The following PRKG2 variants were observed in gnomAD, a reference collection of about 807,000 sequenced individuals.
PRKG2 encodes protein kinase cGMP-dependent 2.
A neutral mutation model predicts 97.2 loss-of-function variants in PRKG2; 33 were observed. That is an observed-to-expected ratio of 0.34 (90% confidence interval 0.26 to 0.45). The LOEUF is 0.45. Among genes scored for constraint, PRKG2 ranks in the 20% least tolerant of loss-of-function variants. The pLI is 1.00. For synonymous variants in PRKG2, 330 were observed against 321.8 expected (o/e 1.03, Z -0.27); for missense variants, 638 against 900.0 (o/e 0.71, Z 3.73).
In PRKG2 at chr4:81,169,728, T is replaced by C. The variant is rs749717196; in HGVS notation, c.783A>G (p.Val261=). Residue 261 remains valine (V), a synonymous_variant, in exon 5 of 19, where the codon GTA becomes GTG. Coordinates refer to ENST00000264399, the MANE Select transcript of PRKG2 (RefSeq NM_006259.3). Reference sequence around the variant, plus strand: ...CTGTCCTCCTCATTATATTCTGGAATACCTCTCGATCTAGTGCCCATGTTT... The same window carrying C: ...CTGTCCTCCTCATTATATTCTGGAACACCTCTCGATCTAGTGCCCATGTTT... ...NVKTWALDRE[V]FQNIMRRTAQ... The C allele has an allele frequency of 3.1e-6, 5 of 1,609,844 alleles. No individual in the cohort carries two copies. The highest frequency in any genetic ancestry group is 4.2e-6 in the Non-Finnish European group (5 of 1,177,896).
At chr4:81,108,232 T>C (rs1026007709) in intron 15 of PRKG2, among the ~76,000 whole-genome samples, 3 of 151,986 alleles carry the variant, frequency 2.0e-5, no homozygotes, top group African/African-American at 7.2e-5. Context: ...AAAAACACTT[T>C]CATATTTATT....
chr4:81,136,890 C>CGTCT (rs1469557108), intron 13 of PRKG2, among the ~76,000 whole-genome samples: 1 of 152,176 alleles, frequency 6.6e-6, no homozygotes, highest in Non-Finnish European at 1.5e-5. Context: ...CTGTCTAGAG[C>CGTCT]GTCTCCTCCT....
At chr4:81,105,605 T>C (rs917113930) in intron 16 of PRKG2, among the ~76,000 whole-genome samples, 15 of 152,180 alleles carry the variant, frequency 9.9e-5, no homozygotes, top group Non-Finnish European at 1.3e-4. Context: ...TTTAAACTAC[T>C]TCATAAGTAG....
intron 2 of PRKG2, among the ~76,000 whole-genome samples, chr4:81,179,852 C>G (rs1188421343): frequency 6.6e-6 from 1 of 152,030 alleles, no homozygotes; most frequent in Non-Finnish European, 1.5e-5. Context: ...AGAAAGCTAA[C>G]AAGGATAGGC....
At chr4:81,189,626 G>C (rs1752290239) in intron 2 of PRKG2, among the ~76,000 whole-genome samples, 1 of 149,910 alleles carries the variant, frequency 6.7e-6, no homozygotes, top group Admixed American at 6.6e-5. Flanking sequence ...TAGAGGGAGT[G>C]GGGAGGGATA....
At chr4:81,144,415 C>T in intron 9 of PRKG2, 85 bp from the exon 10 acceptor site, 1 of 988,662 alleles carries the variant, frequency 1.0e-6, no homozygotes, top group Non-Finnish European at 1.6e-6. Flanking sequence ...AAAACACAAG[C>T]TGGTTATTCC....
chr4:81,109,201 C>T (rs1743658333), intron 15 of PRKG2, among the ~76,000 whole-genome samples: 1 of 141,788 alleles, frequency 7.1e-6, no homozygotes, highest in African/African-American at 2.8e-5. Context: ...TATTTGTTTG[C>T]TCAATGCAAG....
At chr4:81,194,403 CA>C (rs200600688) in intron 2 of PRKG2, among the ~76,000 whole-genome samples, 12,036 of 127,110 alleles carry the variant, frequency 0.095, 699 homozygotes, top group East Asian at 0.27. Context: ...AGTGATGAAC[CA>C]AAAAAAAAAA....
At chr4:81,216,892 TGTG>T (rs1405150467), upstream of PRKG2, among the ~76,000 whole-genome samples, 4 of 22,720 alleles carry the variant, frequency 1.8e-4, no homozygotes, top group East Asian at 1.1e-3. Context: ...AGTATTCCAT[TGTG>T]TGTGTGTGTG....
chr4:81,209,013 T>C (rs1169595081), intron 1 of PRKG2, among the ~76,000 whole-genome samples: 1 of 152,196 alleles, frequency 6.6e-6, no homozygotes, highest in Admixed American at 6.5e-5. Context: ...AAAACCATAG[T>C]TCACTCTGGA....
chr4:81,129,474 C>G (rs1745942157), intron 14 of PRKG2, among the ~76,000 whole-genome samples: 1 of 152,106 alleles, frequency 6.6e-6, no homozygotes, highest in African/African-American at 2.4e-5. Context: ...ATCTAAGTCT[C>G]TTTGTAGGTC....
rs144091712 is a variant in PRKG2, at chr4:81,130,065, G to A, written c.1776+5090C>T. Among the ~76,000 whole-genome samples, 253 of 152,182 alleles carry A rather than the reference G, an allele frequency of 1.7e-3. 1 individual carries two copies. Among genetic ancestry groups the A allele is most frequent in the African/African-American group, 5.9e-3 (247 of 41,526 alleles). On this transcript the variant is annotated intron_variant, in intron 14 of 18. Transcript: ENST00000264399. ...CTTTCGGCATTTGCTTCTCTGTAAA[G>A]GATTTTATTTTTCCTCGTTTTGGGA...
At chr4:81,153,853 T>G in intron 6 of PRKG2, 132 bp from the exon 7 acceptor site, 1 of 641,062 alleles carries the variant, frequency 1.6e-6, no homozygotes, top group Non-Finnish European at 2.7e-6. Context: ...CCATCTGAGG[T>G]ACCGGGTTCA....
At chr4:81,177,184 G>A (rs1382881747) in intron 2 of PRKG2, among the ~76,000 whole-genome samples, 3 of 152,024 alleles carry the variant, frequency 2.0e-5, no homozygotes, top group Non-Finnish European at 2.9e-5. Context: ...TCTTTCTCCT[G>A]TGAATTCCTA....
At chr4:81,135,952 G>GT (rs1295982145) in intron 13 of PRKG2, among the ~76,000 whole-genome samples, 1 of 151,842 alleles carries the variant, frequency 6.6e-6, no homozygotes, top group African/African-American at 2.4e-5. Flanking sequence ...TGAGAAAGTT[G>GT]TTTAACTGTT....
At chr4:81,149,085 C>T (rs1169686696) in intron 8 of PRKG2, 133 bp from the exon 9 acceptor site, 3 of 794,332 alleles carry the variant, frequency 3.8e-6, no homozygotes, top group African/African-American at 1.7e-5. Flanking sequence ...TGCTTTTAAA[C>T]ATCATAATTT....
At chr4:81,217,043 A>ATATATATG (rs1173045998), upstream of PRKG2, among the ~76,000 whole-genome samples, 4,783 of 141,996 alleles carry the variant, frequency 0.034, 287 homozygotes, top group African/African-American at 0.094. Flanking sequence ...ATATATATAT[A>ATATATATG]TATATATATA....
chr4:81,123,996 T>C (rs1745316426), intron 14 of PRKG2, among the ~76,000 whole-genome samples: 1 of 152,218 alleles, frequency 6.6e-6, no homozygotes. Flanking sequence ...TATTACTTTA[T>C]GCCATAATTT....
intron 1 of PRKG2, among the ~76,000 whole-genome samples, chr4:81,210,002 T>C (rs942193114): frequency 5.9e-5 from 9 of 152,038 alleles, no homozygotes; most frequent in African/African-American, 2.2e-4. Flanking sequence ...TTTTAACAAA[T>C]TGTACCGGAA....
Sources: allele counts gnomAD v4.1 joint callset (sites outside exome capture counted in the v4.1 genomes callset), GRCh38; gene constraint gnomAD v4.1.1; transcripts MANE v1.5; gene names NCBI Gene and HGNC (gene_info 2026-07-23, HGNC 2026-07-21).